WRN: variants seen among roughly 807,000 people sequenced by gnomAD.
WRN encodes the protein WRN RecQ like helicase, also known as bifunctional 3'-5' exonuclease/ATP-dependent helicase WRN.
In WRN, 149 loss-of-function variants were observed where a neutral mutation model predicts 180.7. That is an observed-to-expected ratio of 0.82 (90% CI 0.72 to 0.94). The LOEUF is 0.94. Ranked by LOEUF, WRN falls within the 40% of genes least tolerant of loss-of-function variation. The probability of loss-of-function intolerance (pLI) is 0.00; values close to 1 mark genes in which losing one functional copy is unlikely to be tolerated. For missense variants in WRN, 1,661 were observed against 1,700.1 expected, an observed-to-expected ratio of 0.98 and a Z score of 0.40; for synonymous variants, 548 against 568.9, an observed-to-expected ratio of 0.96 and a Z score of 0.52.
intron 8 of WRN, among the ~76,000 whole-genome samples, chr8:31,076,775 AATAG>A (rs1377607611): frequency 2.6e-5 from 4 of 152,178 alleles, no homozygotes; most frequent in Non-Finnish European, 2.9e-5. Context: ...CTACTTAATT[AATAG>A]ATTATTAGAA....
chr8:31,074,583 G>A (rs976203926), intron 7 of WRN, among the ~76,000 whole-genome samples: 16 of 152,138 alleles, frequency 1.1e-4, no homozygotes, highest in African/African-American at 3.4e-4. Flanking sequence ...CTGAGGGTGC[G>A]TTTGAAATCT....
At chr8:31,153,190 A>G (rs1803210171) in intron 31 of WRN, among the ~76,000 whole-genome samples, 1 of 152,160 alleles carries the variant, frequency 6.6e-6, no homozygotes, top group African/African-American at 2.4e-5. Flanking sequence ...TTTCTAATAT[A>G]TACACTGATA....
Position 31,125,006 on chromosome 8 carries a change from G to A in WRN, c.2825+6G>A. 1.2e-6 allele frequency: 2 copies of A among 1,610,570 alleles called. No individual in the cohort carries two copies. Among genetic ancestry groups the A allele is most frequent in the South Asian group, 2.2e-5 (2 of 90,782 alleles). ...TGTGATAATTGCAGGTCCAGGTAAA[G>A]ATTTCTTATTATAGATGGACATTCT... On this transcript the variant is annotated splice_donor_region_variant and intron_variant, in intron 23 of 34. Coordinates refer to ENST00000298139, the MANE Select transcript of WRN (RefSeq NM_000553.6).
At chr8:31,142,761 A>T (rs1325313967) in intron 27 of WRN, 60 bp downstream of exon 27, 1 of 1,403,492 alleles carries the variant, frequency 7.1e-7, no homozygotes, top group Non-Finnish European at 9.8e-7. Context: ...AATTCTGTTT[A>T]AAATTTTATA....
intron 14 of WRN, 85 bp from the exon 15 acceptor site, chr8:31,090,749 A>T (rs1813715385): frequency 8.2e-7 from 1 of 1,219,728 alleles, no homozygotes. Context: ...GTATAAGTAC[A>T]TTGTAAAAAG....
chr8:31,067,243 T>A, intron 6 of WRN, 61 bp downstream of exon 6: 1 of 1,576,960 alleles, frequency 6.3e-7, no homozygotes, highest in African/African-American at 1.4e-5. Context: ...TATAAATGAC[T>A]TTAGAAAAAT....
In WRN at chr8:31,141,742, A is replaced by G. The variant is rs918468413; in HGVS notation, c.3200A>G (p.Glu1067Gly). Residue 1067 changes from glutamate to glycine, a missense_variant, in exon 26 of 35, where the codon GAA (glutamate) becomes GGA (glycine). By Grantham distance (98) the Glu-to-Gly change is moderately conservative. Coordinates refer to ENST00000298139, the MANE Select transcript of WRN (RefSeq NM_000553.6). ...CAGAGCCTCATCCTTCAAGCTAATG[A>G]AGAATTGTGTCCAAAGAAGTTGCTT... Reference protein sequence around the residue: ...ESQSLILQANEELCPKKLLLP... With the variant: ...ESQSLILQANGELCPKKLLLP... The G allele has an allele frequency of 6.2e-7, 1 of 1,614,120 alleles. No individual in the cohort carries two copies. The highest frequency in any genetic ancestry group is 2.2e-5 in the East Asian group (1 of 44,870).
rs746732427 is a variant in WRN at position 31,173,047 on chromosome 8, G to GT, written c.4245dup (p.Asp1416Ter). On this transcript the variant is annotated frameshift_variant, in exon 35 of 35. Transcript: ENST00000298139. LOFTEE classifies it high-confidence loss of function. ...TTACCTGTGTGGTTTGCCAAAGGAA[G>GT]TGATACCAGCAAGAAATTAATGGAC... is the stretch of plus-strand genomic sequence containing the variant. The GT allele has an allele frequency of 6.2e-7, 1 of 1,613,924 alleles. No homozygotes were observed. The highest frequency in any genetic ancestry group is 2.2e-5 in the East Asian group (1 of 44,858).
At chr8:31,078,697 C>T (rs972580828) in intron 8 of WRN, among the ~76,000 whole-genome samples, 2 of 152,074 alleles carry the variant, frequency 1.3e-5, no homozygotes, top group Admixed American at 1.3e-4. Context: ...GATTTAAATT[C>T]GGTATATATC....
At position 31,065,013 on chromosome 8, in the gene WRN, G is replaced by T. The variant is rs1337431358; in HGVS notation, c.454G>T (p.Asp152Tyr). ...GDQWKLLRDF[D>Y]IKLKNFVELT... ...TCAGTGGAAACTTCTACGTGACTTT[G>T]ATATCAAATTGAAGAATTTTGTGGA... is the stretch of plus-strand genomic sequence containing the variant. The change falls in exon 5 of 35, where the codon GAT becomes TAT. Residue 152 changes from aspartate (D) to tyrosine (Y), a missense_variant. Asp to Tyr is a radical substitution (Grantham distance 160, BLOSUM62 -3). This residue lies in a region of WRN where 500 missense variants were observed against 504.1 expected (regional missense o/e 0.99). Coordinates refer to ENST00000298139, the MANE Select transcript of WRN (RefSeq NM_000553.6). 6.2e-7 allele frequency: 1 copy of T among 1,613,620 alleles called. No individual in the cohort carries two copies. The highest frequency in any genetic ancestry group is 1.7e-5 in the Admixed American group (1 of 60,012).
At chr8:31,085,483 A>G (rs78049733) in intron 11 of WRN, among the ~76,000 whole-genome samples, 1 of 106,132 alleles carries the variant, frequency 9.4e-6, no homozygotes, top group Non-Finnish European at 2.1e-5. Context: ...TTTTTTTTTT[A>G]TTTTGAGACA....
rs1442719984 is a variant in WRN at position 31,142,617 on chromosome 8, AT to A, written c.3234-3del. 2 of 1,582,936 alleles carry A rather than the reference AT, an allele frequency of 1.3e-6. No individual in the cohort carries two copies. Among genetic ancestry groups the A allele is most frequent in the South Asian group, 1.2e-5 (1 of 84,626 alleles). On this transcript the variant is annotated splice_polypyrimidine_tract_variant and splice_region_variant and intron_variant, in intron 26 of 34. Transcript: ENST00000298139. ...ACATTTGAAATAATTTAATTTTATT[AT>A]TTTTTAGTTCGAAAACTGTATCTTC... is the stretch of plus-strand genomic sequence containing the variant.
At chr8:31,048,977 T>C (rs1385536770) in intron 1 of WRN, among the ~76,000 whole-genome samples, 3 of 151,782 alleles carry the variant, frequency 2.0e-5, no homozygotes, top group South Asian at 2.1e-4. Context: ...CTCCTAAATA[T>C]AGTTTCTGCA....
At chr8:31,125,949 C>A (rs895895122) in intron 23 of WRN, among the ~76,000 whole-genome samples, 2 of 147,996 alleles carry the variant, frequency 1.4e-5, no homozygotes, top group Non-Finnish European at 3.0e-5. Flanking sequence ...TTAATCATCA[C>A]AACCAAGAAG....
At chr8:31,129,913 G>T (rs1802079661) in intron 23 of WRN, among the ~76,000 whole-genome samples, 1 of 150,484 alleles carries the variant, frequency 6.6e-6, no homozygotes, top group Admixed American at 6.7e-5. Flanking sequence ...GCTGAGGCAG[G>T]AGAATCGCTT....
chr8:31,095,235 CTTT>C (rs1262594902), intron 16 of WRN, among the ~76,000 whole-genome samples: 1 of 151,814 alleles, frequency 6.6e-6, no homozygotes, highest in African/African-American at 2.4e-5. Flanking sequence ...TGTATATCTT[CTTT>C]GAGGGAGTAT....
chr8:31,096,393 A>G (rs11574260), intron 16 of WRN, among the ~76,000 whole-genome samples: 6,808 of 152,292 alleles, frequency 0.045, 186 homozygotes, highest in South Asian at 0.08. Context: ...TACCCAGAAT[A>G]GAAATTAACT....
At chr8:31,070,624 G>A (rs1812877502) in intron 7 of WRN, among the ~76,000 whole-genome samples, 2 of 151,972 alleles carry the variant, frequency 1.3e-5, no homozygotes, top group Non-Finnish European at 2.9e-5. Context: ...AGGGAGATGA[G>A]TCTTATGTCA....
At chr8:31,125,340 T>A (rs1430098236) in intron 23 of WRN, among the ~76,000 whole-genome samples, 1 of 150,754 alleles carries the variant, frequency 6.6e-6, no homozygotes, top group Non-Finnish European at 1.5e-5. Context: ...TAGATAGGTT[T>A]AAAAAAGAAT....
Sources: gnomAD v4.1 joint callset for allele counts (sites outside exome capture counted in the v4.1 genomes callset) on GRCh38, gnomAD v4.1.1 for gene constraint, gnomAD v4.1.1 regional missense constraint, MANE v1.5 for transcripts, NCBI Gene and HGNC (gene_info 2026-07-23, HGNC 2026-07-21) for gene names.